UGT1A7: variants seen among roughly 807,000 people sequenced by gnomAD.
UGT1A7 encodes UDP-glucuronosyltransferase 1A7.
Under a neutral mutation model 45.6 loss-of-function variants are expected in UGT1A7, and 33 were observed. That is an observed-to-expected ratio of 0.72 (90% CI 0.55 to 0.97). The LOEUF (loss-of-function observed/expected upper bound fraction) is 0.97. UGT1A7 is among the 50% of genes least tolerant of loss of function. The pLI is 0.00. For missense variants in UGT1A7, 684 were observed against 666.2 expected (o/e 1.03, Z -0.29); for synonymous variants, 274 against 250.6 (o/e 1.09, Z -0.88).
At chr2:233,713,855 T>C in intron 1 of UGT1A7, 1 of 1,613,968 alleles carries the variant, frequency 6.2e-7, no homozygotes, top group African/African-American at 1.3e-5. Context: ...AGCCACTATC[T>C]CAGGTCTGTA....
chr2:233,709,237 G>T (rs1333156053), intron 1 of UGT1A7, among the ~76,000 whole-genome samples: 1 of 152,106 alleles, frequency 6.6e-6, no homozygotes, highest in Non-Finnish European at 1.5e-5. Context: ...AGGGGTGGCC[G>T]CTGGGATGAG....
At position 233,765,866 on chromosome 2, in the gene UGT1A7, G is replaced by A. The variant is rs1008092006; in HGVS notation, c.856-1168G>A. On this transcript the variant is annotated intron_variant, in intron 1 of 4. Transcript: ENST00000373426. ...TCCCCCTCACAGAGCATGTGACAGCGGGAGGGGCTCACTTTCTCAGTGCGC... is the reference window on the plus strand; with the variant it reads ...TCCCCCTCACAGAGCATGTGACAGCAGGAGGGGCTCACTTTCTCAGTGCGC... Among the ~76,000 whole-genome samples the A allele has an allele frequency of 3.3e-5, 5 of 152,054 alleles. No homozygotes were observed. The East Asian group carries it at 5.8e-4, about 18-fold the overall frequency.
intron 1 of UGT1A7, among the ~76,000 whole-genome samples, chr2:233,738,473 C>G (rs1020432064): frequency 1.3e-5 from 2 of 152,168 alleles, no homozygotes; most frequent in Non-Finnish European, 1.5e-5. Flanking sequence ...TTTGGAACTT[C>G]CTGGAGACTT....
At chr2:233,690,756 G>GACACAC (rs549764192) in intron 1 of UGT1A7, 2 of 1,106,976 alleles carry the variant, frequency 1.8e-6, no homozygotes, top group African/African-American at 4.7e-5. Flanking sequence ...GTCCAGTGCA[G>GACACAC]ACATACACAC....
At chr2:233,747,819 G>T (rs1219645107) in intron 1 of UGT1A7, 12 of 1,613,452 alleles carry the variant, frequency 7.4e-6, no homozygotes, top group Non-Finnish European at 1.0e-5. Context: ...GACCAATTCA[G>T]ACCACATGAC....
rs770433443 is a variant in UGT1A7 at position 233,767,890 on chromosome 2, G to T, written c.1029G>T (p.Ala343=). The T allele has an allele frequency of 4.3e-6, 7 of 1,614,094 alleles. No individual in the cohort carries two copies. Among genetic ancestry groups the T allele is most frequent in the Non-Finnish European group, 1.7e-6 (2 of 1,180,038 alleles). The change falls in exon 3 of 5, where the codon GCG becomes GCT. Residue 343 remains alanine, a synonymous_variant. Transcript: ENST00000373426. ...RYTGTRPSNL[A]NNTILVKWLP... is the part of the protein sequence containing the mutation. ...CTGGAACCCGACCATCGAATCTTGC[G>T]AACAACACGATACTTGTTAAGTGGC...
intron 1 of UGT1A7, chr2:233,708,835 T>G (rs2076042960): frequency 6.6e-6 from 1 of 152,160 alleles, no homozygotes; most frequent in South Asian, 2.1e-4. Context: ...GTGAATTTGT[T>G]GCAGGGCTTT....
chr2:233,767,989 T>C lies in UGT1A7; in HGVS notation c.1075+53T>C, dbSNP rs1699539176. The C allele has an allele frequency of 3.1e-6, 5 of 1,614,076 alleles. No homozygotes were observed. In the Admixed American group the frequency reaches 5.0e-5, roughly 16 times the overall value. Reference sequence around the variant, plus strand: ...TCAAACCAGGGTCAAATTAAGAAAATGGCTTAAGCACAGCTATTCTAAAGG... The same window carrying C: ...TCAAACCAGGGTCAAATTAAGAAAACGGCTTAAGCACAGCTATTCTAAAGG... On this transcript the variant is annotated intron_variant, in intron 3 of 4. Coordinates refer to ENST00000373426, the MANE Select transcript of UGT1A7 (RefSeq NM_019077.3).
chr2:233,699,971 A>G (rs1575467099), intron 1 of UGT1A7, among the ~76,000 whole-genome samples: 1 of 152,190 alleles, frequency 6.6e-6, no homozygotes, highest in Admixed American at 6.5e-5. Flanking sequence ...CCCGTCCCCC[A>G]ACTCCCAACA....
chr2:233,682,464 A>G lies in UGT1A7; in HGVS notation c.527A>G (p.Tyr176Cys). 1 of 1,613,880 alleles carries G rather than the reference A, an allele frequency of 6.2e-7. No homozygotes were observed. Among genetic ancestry groups the G allele is most frequent in the African/African-American group, 1.3e-5 (1 of 75,004 alleles). ...VVFARGIFCH[Y>C]LEEGAQCPAP... ...TTCGCCAGGGGAATATTTTGCCACTATCTTGAAGAAGGTGCACAGTGCCCT... is the reference window on the plus strand; with the variant it reads ...TTCGCCAGGGGAATATTTTGCCACTGTCTTGAAGAAGGTGCACAGTGCCCT... Residue 176 changes from tyrosine to cysteine, a missense_variant, in exon 1 of 5, where the codon TAT becomes TGT. Coordinates refer to ENST00000373426, the MANE Select transcript of UGT1A7 (RefSeq NM_019077.3).
At chr2:233,695,313 G>A (rs1315730256) in intron 1 of UGT1A7, among the ~76,000 whole-genome samples, 1 of 151,566 alleles carries the variant, frequency 6.6e-6, no homozygotes, top group Non-Finnish European at 1.5e-5. Context: ...TTTAGTAGAG[G>A]CGGGGTTTCA....
At position 233,767,103 on chromosome 2, in the gene UGT1A7, T is replaced by G; in HGVS notation, c.925T>G (p.Ser309Ala). Reference sequence around the variant, plus strand: ...GGTTTTCTCTTTGGGATCAATGGTCTCAGAAATTCCAGAGAAGAAAGCTAT... The same window carrying G: ...GGTTTTCTCTTTGGGATCAATGGTCGCAGAAATTCCAGAGAAGAAAGCTAT... Reference protein sequence around the residue: ...IVVFSLGSMVSEIPEKKAMAI... With the variant: ...IVVFSLGSMVAEIPEKKAMAI... Residue 309 changes from serine to alanine, a missense_variant, in exon 2 of 5, where the codon TCA becomes GCA. Ser to Ala is a moderately conservative substitution (Grantham distance 99). Coordinates refer to ENST00000373426, the MANE Select transcript of UGT1A7 (RefSeq NM_019077.3). 6.2e-7 allele frequency: 1 copy of G among 1,614,148 alleles called. No individual in the cohort carries two copies. Among genetic ancestry groups the G allele is most frequent in the South Asian group, 1.1e-5 (1 of 91,074 alleles).
At chr2:233,699,792 C>G (rs1356829058) in intron 1 of UGT1A7, among the ~76,000 whole-genome samples, 1 of 152,188 alleles carries the variant, frequency 6.6e-6, no homozygotes, top group Non-Finnish European at 1.5e-5. Flanking sequence ...TTCCTCCTCT[C>G]ATATTCTGGA....
chr2:233,767,877 CA>C lies in UGT1A7; in HGVS notation c.1017del (p.Ser340ArgfsTer23). On this transcript the variant is annotated frameshift_variant, in exon 3 of 5. Coordinates refer to ENST00000373426, the MANE Select transcript of UGT1A7 (RefSeq NM_019077.3). LOFTEE classifies it high-confidence loss of function. ...TVLWRYTGTR[P>X]SNLANNTILV... Reference sequence around the variant, plus strand: ...CTGTGGCGGTACACTGGAACCCGACCATCGAATCTTGCGAACAACACGATAC... The same window carrying C: ...CTGTGGCGGTACACTGGAACCCGACCTCGAATCTTGCGAACAACACGATAC... 6.2e-7 allele frequency: 1 copy of C among 1,614,140 alleles called. No homozygotes were observed. The highest frequency in any genetic ancestry group is 8.5e-7 in the Non-Finnish European group (1 of 1,180,040).
intron 1 of UGT1A7, among the ~76,000 whole-genome samples, chr2:233,730,279 A>G (rs1016900889): frequency 6.6e-6 from 1 of 152,176 alleles, no homozygotes; most frequent in Non-Finnish European, 1.5e-5. Flanking sequence ...TAAAGGCACC[A>G]TCTTCATGGT....
chr2:233,698,282 GA>G (rs528248105), intron 1 of UGT1A7, among the ~76,000 whole-genome samples: 32 of 152,044 alleles, frequency 2.1e-4, no homozygotes, highest in Admixed American at 1.5e-3. Context: ...TCAACACTAT[GA>G]AAAAAAATGT....
At chr2:233,688,306 C>T (rs1324577706) in intron 1 of UGT1A7, among the ~76,000 whole-genome samples, 1 of 152,124 alleles carries the variant, frequency 6.6e-6, no homozygotes, top group Non-Finnish European at 1.5e-5. Context: ...TTTATCCATT[C>T]ATCAGTTGGT....
chr2:233,743,984 C>T (rs1692627890), intron 1 of UGT1A7: 2 of 1,291,724 alleles, frequency 1.5e-6, no homozygotes, highest in South Asian at 1.3e-5. Context: ...CACCCAGGCG[C>T]AGGCCCGAGT....
rs767483704 is a variant in UGT1A7, at chr2:233,711,800, C to T, written c.855+29008C>T. On this transcript the variant is annotated intron_variant, in intron 1 of 4. Transcript: ENST00000373426. Reference sequence around the variant, plus strand: ...AAGTGTGCACAGCCCAGAGAGCCTGCCCACATCATCCTGGGGCGACCAGGA... The same window carrying T: ...AAGTGTGCACAGCCCAGAGAGCCTGTCCACATCATCCTGGGGCGACCAGGA... 4.5e-4 allele frequency among the ~76,000 whole-genome samples: 69 copies of T among 152,310 alleles called. 1 individual carries two copies. The highest frequency in any genetic ancestry group is 3.9e-4 in the East Asian group (2 of 5,182).
Sources: gnomAD v4.1 joint callset for allele counts (sites outside exome capture counted in the v4.1 genomes callset) on GRCh38, gnomAD v4.1.1 for gene constraint, MANE v1.5 for transcripts, NCBI Gene and HGNC (gene_info 2026-07-23, HGNC 2026-07-21) for gene names.